The following IRAG1 variants were observed in gnomAD, a reference collection of about 807,000 sequenced individuals.
IRAG1 encodes the protein IP3R-associated cGMP kinase substrate.
In IRAG1, 62 loss-of-function variants were observed where a neutral mutation model predicts 106.2. The observed-to-expected ratio is 0.58, with a 90% confidence interval of 0.48 to 0.72. The LOEUF (loss-of-function observed/expected upper bound fraction) is 0.72, where lower values mean the gene tolerates loss of function less well. IRAG1 is among the 30% of genes least tolerant of loss of function. The probability of loss-of-function intolerance (pLI) is 0.00; values close to 1 mark genes in which losing one functional copy is unlikely to be tolerated. For missense variants in IRAG1, 1,064 were observed against 1,140.7 expected (o/e 0.93, Z 0.97); for synonymous variants, 462 against 443.9 (o/e 1.04, Z -0.51).
At chr11:10,597,940 G>A (rs1467190713) in intron 15 of IRAG1, among the ~76,000 whole-genome samples, 2 of 152,188 alleles carry the variant, frequency 1.3e-5, no homozygotes, top group Admixed American at 1.3e-4. Context: ...CAAATCCTCT[G>A]CATATTGCAT....
chr11:10,685,690 C>T (rs190914767), intron 1 of IRAG1, among the ~76,000 whole-genome samples: 51 of 151,000 alleles, frequency 3.4e-4, no homozygotes, highest in African/African-American at 1.2e-3. Context: ...CCACTGCACT[C>T]CAGCCCAGGG....
At chr11:10,585,841 G>A (rs886574491) in intron 18 of IRAG1, among the ~76,000 whole-genome samples, 1 of 152,134 alleles carries the variant, frequency 6.6e-6, no homozygotes, top group African/African-American at 2.4e-5. Flanking sequence ...TTGGTGCTGG[G>A]ACTCTCACCT....
chr11:10,573,773 C>G lies in IRAG1; in HGVS notation c.*2559G>C, dbSNP rs35080429. 4.6e-5 allele frequency: 7 copies of G among 152,240 alleles called. No homozygotes were observed. The highest frequency in any genetic ancestry group is 3.3e-4 in the Admixed American group (5 of 15,282). The allele number at this position is 152,240 out of a possible 1,614,324, so 9.4% of individuals were successfully genotyped here. A position where few individuals can be genotyped will look rare whatever the true frequency, so the allele number is the denominator to read the frequency against. ...GTGACCAAGTGAACAATGGGGCCAGCTGAGCCTGGCCCTGCTTTAAGGGAG... is the reference window on the plus strand; with the variant it reads ...GTGACCAAGTGAACAATGGGGCCAGGTGAGCCTGGCCCTGCTTTAAGGGAG... On this transcript the variant is annotated 3_prime_UTR_variant, in exon 21 of 21. Transcript: ENST00000423302.
At chr11:10,615,683 C>CA (rs1463680606) in intron 10 of IRAG1, among the ~76,000 whole-genome samples, 3 of 151,678 alleles carry the variant, frequency 2.0e-5, no homozygotes, top group African/African-American at 7.3e-5. Context: ...ATCGCAGGGA[C>CA]AAAAAACCAA....
At chr11:10,603,019 G>A (rs571813586) in intron 14 of IRAG1, 101 bp downstream of exon 14, 493 of 1,383,794 alleles carry the variant, frequency 3.6e-4, no homozygotes, top group Non-Finnish European at 4.5e-4. Context: ...CCCAGAGGAA[G>A]CCACCTCTAA....
intron 18 of IRAG1, among the ~76,000 whole-genome samples, chr11:10,588,729 T>A (rs1440849981): frequency 1.4e-4 from 22 of 152,272 alleles, no homozygotes; most frequent in African/African-American, 5.3e-4. Flanking sequence ...GGTTAGGTGC[T>A]CATTTTCTGT....
rs1850766851 is a variant in IRAG1, at chr11:10,575,439, G to A, written c.*893C>T. On this transcript the variant is annotated 3_prime_UTR_variant, in exon 21 of 21. Transcript: ENST00000423302. The stretch of plus-strand genomic sequence containing the variant: ...GCTCAGAGTTGGCATTTGAAATGGA[G>A]ACTAGTAAGTCTGCCATTGAAGCCA... 6.6e-6 allele frequency: 1 copy of A among 152,212 alleles called. No individual in the cohort carries two copies. Among genetic ancestry groups the A allele is most frequent in the Non-Finnish European group, 1.5e-5 (1 of 68,026 alleles). The allele number at this position is 152,212 out of a possible 1,614,324, so 9.4% of individuals were successfully genotyped here. A position where few individuals can be genotyped will look rare whatever the true frequency, so the allele number is the denominator to read the frequency against.
intron 3 of IRAG1, among the ~76,000 whole-genome samples, chr11:10,633,075 CTTTTT>C (rs34222717): frequency 3.2e-5 from 4 of 124,836 alleles, no homozygotes; most frequent in African/African-American, 6.2e-5. Flanking sequence ...TTCTTTCTTT[CTTTTT>C]TTTTTTTTTT....
rs1386809608 is a variant in IRAG1 at position 10,635,129 on chromosome 11, C to A, written c.226-1058G>T. Among the ~76,000 whole-genome samples, 3 of 152,148 alleles carry A rather than the reference C, an allele frequency of 2.0e-5. 1 individual carries two copies. The highest frequency in any genetic ancestry group is 7.2e-5 in the African/African-American group (3 of 41,420). On this transcript the variant is annotated intron_variant, in intron 2 of 20. Transcript: ENST00000423302. Reference sequence around the variant, plus strand: ...TGGCCTGGGGAAAAGGTAGTGGCACCCACACACCCCTGAGGTTCCACGACA... The same window carrying A: ...TGGCCTGGGGAAAAGGTAGTGGCACACACACACCCCTGAGGTTCCACGACA...
Position 10,626,353 on chromosome 11 carries a change from C to T in IRAG1, c.981G>A (p.Glu327=). The change falls in exon 9 of 21, where the codon GAG becomes GAA. Residue 327 remains glutamate (E), a synonymous_variant. Transcript: ENST00000423302. ...TCAAGAGCTGCTTCCCCAGCTCGCT[C>T]TCCACGGGGCCAGGCTGAGGGCTGT... ...ALNSPQPGPV[E]SELGKQLLKT... 6.2e-7 allele frequency: 1 copy of T among 1,613,786 alleles called. No individual in the cohort carries two copies. Among genetic ancestry groups the T allele is most frequent in the Non-Finnish European group, 8.5e-7 (1 of 1,179,792 alleles).
intron 1 of IRAG1, among the ~76,000 whole-genome samples, chr11:10,689,507 CACCACACAA>C (rs1861903878): frequency 6.6e-6 from 1 of 152,202 alleles, no homozygotes; most frequent in Non-Finnish European, 1.5e-5. Flanking sequence ...CCTTGGGCCA[CACCACACAA>C]ACCCACCTCT....
intron 2 of IRAG1, among the ~76,000 whole-genome samples, chr11:10,649,613 C>G (rs1303556687): frequency 1.3e-5 from 2 of 152,184 alleles, no homozygotes; most frequent in Non-Finnish European, 2.9e-5. Flanking sequence ...CTGATAGGAC[C>G]TGGGCTTCTC....
chr11:10,677,665 A>G lies in IRAG1; in HGVS notation c.67+15871T>C, dbSNP rs872729. 8.3e-3 allele frequency among the ~76,000 whole-genome samples: 1,264 copies of G among 152,342 alleles called. 11 individuals are homozygous for G. The highest frequency in any genetic ancestry group is 0.014 in the Non-Finnish European group (953 of 68,030). ...TATCATTTTAACCATTTTGAAGTGT[A>G]CAATTCAGTGGCATTAAGCACATTC... On this transcript the variant is annotated intron_variant, in intron 1 of 20. Coordinates refer to ENST00000423302, the MANE Select transcript of IRAG1 (RefSeq NM_130385.4).
chr11:10,606,361 C>T (rs143972277), intron 12 of IRAG1, among the ~76,000 whole-genome samples: 2 of 152,328 alleles, frequency 1.3e-5, no homozygotes, highest in East Asian at 3.9e-4. Flanking sequence ...CCCCCTTTCC[C>T]ACTAAACTAA....
At chr11:10,590,213 G>A (rs760472832) in intron 18 of IRAG1, among the ~76,000 whole-genome samples, 10 of 152,118 alleles carry the variant, frequency 6.6e-5, no homozygotes, top group African/African-American at 1.7e-4. Flanking sequence ...CTGTAAACTC[G>A]GTTACTTCCA....
At chr11:10,619,820 A>G (rs1424194770) in intron 10 of IRAG1, among the ~76,000 whole-genome samples, 1 of 152,220 alleles carries the variant, frequency 6.6e-6, no homozygotes, top group Non-Finnish European at 1.5e-5. Flanking sequence ...TGAGCTCTTA[A>G]GCATCCAGAC....
intron 9 of IRAG1, among the ~76,000 whole-genome samples, chr11:10,625,699 C>T (rs1441745982): frequency 1.3e-5 from 2 of 152,052 alleles, no homozygotes; most frequent in East Asian, 1.9e-4. Flanking sequence ...CGTCTGCCTT[C>T]CCCTGAGATG....
chr11:10,638,077 T>C (rs1589891393), intron 2 of IRAG1, among the ~76,000 whole-genome samples: 1 of 152,236 alleles, frequency 6.6e-6, no homozygotes, highest in Non-Finnish European at 1.5e-5. Flanking sequence ...TTCTGGCAGG[T>C]GTGATCTCTT....
intron 1 of IRAG1, among the ~76,000 whole-genome samples, chr11:10,656,141 A>C (rs1409013201): frequency 6.6e-6 from 1 of 152,242 alleles, no homozygotes; most frequent in Non-Finnish European, 1.5e-5. Context: ...TATAATCTCC[A>C]GGAAGTGCTG....
Sources: gnomAD v4.1 joint callset for allele counts (sites outside exome capture counted in the v4.1 genomes callset) on GRCh38, gnomAD v4.1.1 for gene constraint, MANE v1.5 for transcripts, NCBI Gene and HGNC (gene_info 2026-07-23, HGNC 2026-07-21) for gene names.